RBFOX3: variants seen among roughly 807,000 people sequenced by gnomAD.
RBFOX3 encodes the protein RNA binding protein fox-1 homolog 3.
A neutral mutation model predicts 48.7 loss-of-function variants in RBFOX3; 17 were observed. The observed-to-expected ratio is 0.35, with a 90% confidence interval of 0.24 to 0.52. RBFOX3 has a LOEUF of 0.52. Ranked by LOEUF, RBFOX3 falls within the 20% of genes least tolerant of loss-of-function variation. The probability of loss-of-function intolerance (pLI) is 0.94; values close to 1 mark genes in which losing one functional copy is unlikely to be tolerated. For missense variants in RBFOX3, 382 were observed against 497.5 expected (o/e 0.77, Z 2.21); for synonymous variants, 212 against 209.5 (o/e 1.01, Z -0.10).
intron 1 of RBFOX3, among the ~76,000 whole-genome samples, chr17:79,559,613 GTA>G (rs2092045003): frequency 8.5e-6 from 1 of 117,114 alleles, no homozygotes. Flanking sequence ...GAGTGAATAG[GTA>G]GATGGATGGA....
intron 2 of RBFOX3, among the ~76,000 whole-genome samples, chr17:79,387,139 A>C (rs1420158668): frequency 6.6e-6 from 1 of 152,128 alleles, no homozygotes; most frequent in African/African-American, 2.4e-5. Context: ...GTTCTAGAAG[A>C]GTCTTTACTG....
intron 2 of RBFOX3, among the ~76,000 whole-genome samples, chr17:79,383,899 C>T (rs2060239745): frequency 6.6e-6 from 1 of 152,052 alleles, no homozygotes; most frequent in Admixed American, 6.5e-5. Flanking sequence ...GTGTAGTGGC[C>T]CCCGGGACCC....
intron 1 of RBFOX3, among the ~76,000 whole-genome samples, chr17:79,606,894 T>C (rs2093843920): frequency 6.6e-6 from 1 of 151,668 alleles, no homozygotes. Context: ...AAAAAAGAGT[T>C]GGGGAGAGGA....
intron 3 of RBFOX3, among the ~76,000 whole-genome samples, chr17:79,246,968 A>G (rs1242391856): frequency 6.6e-6 from 1 of 152,174 alleles, no homozygotes; most frequent in African/African-American, 2.4e-5. Context: ...GGCTTCTTAG[A>G]TGAGCGCGTT....
At chr17:79,370,571 T>C (rs1315396565) in intron 2 of RBFOX3, among the ~76,000 whole-genome samples, 1 of 144,190 alleles carries the variant, frequency 6.9e-6, no homozygotes, top group African/African-American at 2.7e-5. Flanking sequence ...GTGTGCTCAC[T>C]CACACAGGCA....
chr17:79,165,351 T>C (rs1200191047), intron 4 of RBFOX3, among the ~76,000 whole-genome samples: 2 of 152,206 alleles, frequency 1.3e-5, no homozygotes, highest in Admixed American at 1.3e-4. Flanking sequence ...CCCAACACAA[T>C]GCAGTGCACA....
rs557085652 is a variant in RBFOX3, at chr17:79,351,163, G to A, written c.-174-43339C>T. Among the ~76,000 whole-genome samples, 4 of 152,232 alleles carry A rather than the reference G, an allele frequency of 2.6e-5. No individual in the cohort carries two copies. In the East Asian group the frequency reaches 5.8e-4, roughly 22 times the overall value. ...CATTTTGTGTATCTGTTCATCCATC[G>A]ACAGACACTTGCTTTGCTTCTACGC... On this transcript the variant is annotated intron_variant, in intron 2 of 14. Transcript: ENST00000693108.
At chr17:79,455,556 A>AG (rs1408174000) in intron 2 of RBFOX3, among the ~76,000 whole-genome samples, 4 of 152,182 alleles carry the variant, frequency 2.6e-5, no homozygotes, top group African/African-American at 9.6e-5. Context: ...GGAGGGTGAA[A>AG]GGGGGAGGCC....
chr17:79,223,328 TG>T (rs931420343), intron 4 of RBFOX3, among the ~76,000 whole-genome samples: 38 of 152,220 alleles, frequency 2.5e-4, no homozygotes, highest in African/African-American at 9.1e-4. Flanking sequence ...CACAGCTGCA[TG>T]TGTATCTGCA....
chr17:79,620,678 C>G, the RBFOX3 span, among the ~76,000 whole-genome samples: 1 of 140,536 alleles, frequency 7.1e-6, no homozygotes, highest in Non-Finnish European at 1.5e-5. Flanking sequence ...TGCACACACG[C>G]ACATGCACAC....
intron 1 of RBFOX3, among the ~76,000 whole-genome samples, chr17:79,560,159 C>T (rs1195782986): frequency 6.6e-6 from 1 of 151,810 alleles, no homozygotes; most frequent in Non-Finnish European, 1.5e-5. Context: ...CCCCACCCAC[C>T]GTCAATCTCC....
At chr17:79,209,264 C>T (rs575311780) in intron 4 of RBFOX3, among the ~76,000 whole-genome samples, 1 of 152,322 alleles carries the variant, frequency 6.6e-6, no homozygotes, top group South Asian at 2.1e-4. Context: ...GCCAGTGCCT[C>T]CTTCTGGGTG....
intron 2 of RBFOX3, among the ~76,000 whole-genome samples, chr17:79,426,712 T>TG (rs1555725751): frequency 7.3e-4 from 111 of 151,522 alleles, no homozygotes; most frequent in African/African-American, 2.2e-3. Flanking sequence ...TTTGTTTGTT[T>TG]TTTTGCTTTG....
chr17:79,463,047 C>A lies in RBFOX3; in HGVS notation c.-175+19407G>T, dbSNP rs543823348. On this transcript the variant is annotated intron_variant, in intron 2 of 14. Transcript: ENST00000693108. ...GACACCTCCACCACCATCGCCACTG[C>A]CACCTCCACCGCCATCGCCACTGCC... Among the ~76,000 whole-genome samples the A allele has an allele frequency of 9.0e-3, 1,331 of 147,764 alleles. 17 individuals are homozygous for A. Among genetic ancestry groups the A allele is most frequent in the African/African-American group, 0.03 (1,238 of 40,602 alleles).
the RBFOX3 span, among the ~76,000 whole-genome samples, chr17:79,639,884 A>G: frequency 6.6e-6 from 1 of 152,218 alleles, no homozygotes; most frequent in African/African-American, 2.4e-5. Flanking sequence ...AATGGGAAAA[A>G]AACTGAAAGC....
intron 2 of RBFOX3, among the ~76,000 whole-genome samples, chr17:79,431,226 C>A (rs1719978760): frequency 6.6e-6 from 1 of 152,178 alleles, no homozygotes; most frequent in African/African-American, 2.4e-5. Context: ...TGGTTATGTT[C>A]CACAAAGACC....
At chr17:79,557,798 T>C (rs1320092576) in intron 1 of RBFOX3, among the ~76,000 whole-genome samples, 1 of 152,160 alleles carries the variant, frequency 6.6e-6, no homozygotes, top group African/African-American at 2.4e-5. Flanking sequence ...CCTGGGCCAC[T>C]GCAAGGCCCC....
intron 9 of RBFOX3, chr17:79,099,533 C>A (rs955612457): frequency 3.3e-5 from 5 of 152,298 alleles, no homozygotes; most frequent in African/African-American, 1.2e-4. Flanking sequence ...ACCCCAAGCC[C>A]AGACTCCCCG....
chr17:79,653,760 C>T, the RBFOX3 span, among the ~76,000 whole-genome samples: 10 of 13,910 alleles, frequency 7.2e-4, no homozygotes, highest in African/African-American at 1.4e-3. Context: ...ATTTGCATGT[C>T]GTGGTTTTTT....
Sources: gnomAD v4.1 joint callset for allele counts (sites outside exome capture counted in the v4.1 genomes callset) on GRCh38, gnomAD v4.1.1 for gene constraint, MANE v1.5 for transcripts, NCBI Gene and HGNC (gene_info 2026-07-23, HGNC 2026-07-21) for gene names.